The following CACNG5 variants were observed in gnomAD, a reference collection of about 807,000 sequenced individuals.
CACNG5 encodes voltage-dependent calcium channel gamma-5 subunit.
A neutral mutation model predicts 24.8 loss-of-function variants in CACNG5; 18 were observed. The ratio of observed to expected loss-of-function variants is 0.73; its 90% CI spans 0.50 to 1.08. The LOEUF is 1.08. CACNG5 is among the 50% of genes least tolerant of loss of function. The pLI is 0.00. For synonymous variants in CACNG5, 157 were observed against 149.1 expected, an observed-to-expected ratio of 1.05 and a Z score of -0.39; for missense variants, 349 against 367.9, an observed-to-expected ratio of 0.95 and a Z score of 0.42.
At chr17:66,849,429 G>A (rs992836763) in intron 1 of CACNG5, among the ~76,000 whole-genome samples, 2 of 152,320 alleles carry the variant, frequency 1.3e-5, no homozygotes, top group African/African-American at 4.8e-5. Context: ...TTCCCACCCC[G>A]GGAGGGCAGA....
intron 1 of CACNG5, among the ~76,000 whole-genome samples, chr17:66,875,627 A>G (rs1315624521): frequency 6.6e-6 from 1 of 151,878 alleles, no homozygotes; most frequent in Non-Finnish European, 1.5e-5. Context: ...CTCAATACCC[A>G]CCTGTGCCTC....
intron 1 of CACNG5, among the ~76,000 whole-genome samples, chr17:66,841,291 C>T (rs1464870842): frequency 1.3e-5 from 2 of 152,114 alleles, no homozygotes; most frequent in African/African-American, 4.8e-5. Context: ...CCAAAAGAGG[C>T]AATCAGATAT....
intron 1 of CACNG5, among the ~76,000 whole-genome samples, chr17:66,845,477 A>G (rs11656385): frequency 0.12 from 17,871 of 151,802 alleles, 1,598 homozygotes; most frequent in East Asian, 0.38. Context: ...AAAAAAACAA[A>G]AAACTATCCT....
rs200625924 is a variant in CACNG5, at chr17:66,885,284, C to A, written c.*44C>A. 71 of 1,528,326 alleles carry A rather than the reference C, an allele frequency of 4.6e-5. No homozygotes were observed. The East Asian group carries it at 8.4e-4, about 18-fold the overall frequency. 94.7% of individuals were successfully genotyped at this position (1,528,326 alleles called of 1,614,324 possible). A position where few individuals can be genotyped will look rare whatever the true frequency, so the allele number is the denominator to read the frequency against. ...CCTGGACTGTGGGTGGCCAGACAACCCTTCCTGTTCTCTCCAGGTGACCCC... is the reference window on the plus strand; with the variant it reads ...CCTGGACTGTGGGTGGCCAGACAACACTTCCTGTTCTCTCCAGGTGACCCC... On this transcript the variant is annotated 3_prime_UTR_variant, in exon 6 of 6. Transcript: ENST00000533854.
chr17:66,869,620 C>T (rs1393055949), intron 1 of CACNG5, among the ~76,000 whole-genome samples: 2 of 152,044 alleles, frequency 1.3e-5, no homozygotes, highest in African/African-American at 4.8e-5. Flanking sequence ...CCCCATGTAG[C>T]TGTAAACTCC....
rs1436872831 is a variant in CACNG5 at position 66,892,827 on chromosome 17, T to C, written c.*7587T>C. Among the ~76,000 whole-genome samples the C allele has an allele frequency of 6.6e-6, 1 of 152,214 alleles. No homozygotes were observed. Among genetic ancestry groups the C allele is most frequent in the Non-Finnish European group, 1.5e-5 (1 of 68,032 alleles). ...CAATCCATAGCATTTCTCAGTGTCCTAAATGATCAATTCTGGAGAGCATCC... is the reference window on the plus strand; with the variant it reads ...CAATCCATAGCATTTCTCAGTGTCCCAAATGATCAATTCTGGAGAGCATCC... On this transcript the variant is annotated 3_prime_UTR_variant, in exon 6 of 6. Transcript: ENST00000533854.
intron 1 of CACNG5, among the ~76,000 whole-genome samples, chr17:66,840,274 A>G (rs1350196696): frequency 6.6e-6 from 1 of 152,166 alleles, no homozygotes; most frequent in Non-Finnish European, 1.5e-5. Flanking sequence ...AGCTGCAGCA[A>G]TGCCATCTGC....
Position 66,894,745 on chromosome 17 carries a change from C to T in CACNG5, c.*9505C>T, listed in dbSNP as rs941894013. ...ATTTTAATTTAAATAAAGGGTACTG[C>T]ATTATATATGCATCTCTCTTTCTCA... On this transcript the variant is annotated 3_prime_UTR_variant, in exon 6 of 6. Transcript: ENST00000533854. 6.6e-6 allele frequency among the ~76,000 whole-genome samples: 1 copy of T among 152,086 alleles called. No individual in the cohort carries two copies. The highest frequency in any genetic ancestry group is 1.5e-5 in the Non-Finnish European group (1 of 68,030).
chr17:66,874,088 G>A (rs1295018936), intron 1 of CACNG5, among the ~76,000 whole-genome samples: 3 of 152,108 alleles, frequency 2.0e-5, no homozygotes, highest in African/African-American at 7.2e-5. Context: ...GGCAAGGTAA[G>A]GTTCAAATGC....
chr17:66,883,562 G>T (rs1181390269), intron 4 of CACNG5, among the ~76,000 whole-genome samples: 6 of 152,216 alleles, frequency 3.9e-5, no homozygotes, highest in Admixed American at 3.9e-4. Flanking sequence ...TGATGCCTGA[G>T]GCAGTCATTT....
intron 1 of CACNG5, among the ~76,000 whole-genome samples, chr17:66,844,018 A>G (rs1211029447): frequency 6.6e-6 from 1 of 152,082 alleles, no homozygotes; most frequent in Non-Finnish European, 1.5e-5. Context: ...GGAGTGATGA[A>G]CCAGACAGCA....
intron 5 of CACNG5, 23 bp from the exon 6 acceptor site, chr17:66,884,960 C>G (rs763178169): frequency 7.2e-5 from 116 of 1,613,984 alleles, no homozygotes; most frequent in Middle Eastern, 1.6e-4. Context: ...GCGAGCCCAT[C>G]CTCTGCTGTC....
intron 4 of CACNG5, among the ~76,000 whole-genome samples, chr17:66,882,237 T>A (rs191222093): frequency 1.3e-5 from 2 of 152,272 alleles, no homozygotes; most frequent in Admixed American, 1.3e-4. Flanking sequence ...AGTGCCAATT[T>A]CTTGCTTGAG....
At chr17:66,867,528 A>G (rs936643739) in intron 1 of CACNG5, among the ~76,000 whole-genome samples, 2 of 152,094 alleles carry the variant, frequency 1.3e-5, no homozygotes, top group Admixed American at 1.3e-4. Flanking sequence ...TGGTGATTTC[A>G]TCATAAAATC....
intron 1 of CACNG5, among the ~76,000 whole-genome samples, chr17:66,850,021 C>T (rs1568063395): frequency 6.6e-6 from 1 of 152,206 alleles, no homozygotes; most frequent in African/African-American, 2.4e-5. Flanking sequence ...GTACAACTGC[C>T]AGTCAATCCA....
chr17:66,886,485 A>G lies in CACNG5; in HGVS notation c.*1245A>G, dbSNP rs1187339308. 6.6e-6 allele frequency among the ~76,000 whole-genome samples: 1 copy of G among 152,188 alleles called. No homozygotes were observed. Among genetic ancestry groups the G allele is most frequent in the Non-Finnish European group, 1.5e-5 (1 of 68,030 alleles). On this transcript the variant is annotated 3_prime_UTR_variant, in exon 6 of 6. Transcript: ENST00000533854. ...GGTTTCAATTACCCTCCGTAAGTCC[A>G]CAGAAGCCACTGCAAGCCATGCCCC...
At position 66,892,379 on chromosome 17, in the gene CACNG5, A is replaced by G. The variant is rs902866599; in HGVS notation, c.*7139A>G. ...AGAGGATAGAGAACATTCTGGAGCC[A>G]ACGTGTTCTCCAGCCCACTGTCAGG... is the stretch of plus-strand genomic sequence containing the variant. On this transcript the variant is annotated 3_prime_UTR_variant, in exon 6 of 6. Coordinates refer to ENST00000533854, the MANE Select transcript of CACNG5 (RefSeq NM_145811.3). Among the ~76,000 whole-genome samples the G allele has an allele frequency of 1.3e-5, 2 of 152,250 alleles. No homozygotes were observed. Among genetic ancestry groups the G allele is most frequent in the African/African-American group, 2.4e-5 (1 of 41,470 alleles).
chr17:66,860,387 G>A (rs527571472), intron 1 of CACNG5, among the ~76,000 whole-genome samples: 6 of 152,152 alleles, frequency 3.9e-5, no homozygotes, highest in South Asian at 4.2e-4. Context: ...TTGAAAGCTC[G>A]GAGAGAAATG....
At chr17:66,842,393 C>G (rs758660) in intron 1 of CACNG5, among the ~76,000 whole-genome samples, 18,966 of 152,132 alleles carry the variant, frequency 0.12, 1,595 homozygotes, top group East Asian at 0.37. Context: ...AAAAAGGAAA[C>G]TTTACAGATG....
Sources: allele counts gnomAD v4.1 joint callset (sites outside exome capture counted in the v4.1 genomes callset), GRCh38; gene constraint gnomAD v4.1.1; transcripts MANE v1.5; gene names NCBI Gene and HGNC (gene_info 2026-07-23, HGNC 2026-07-21).